Variants in DOK5 observed in about 807,000 individuals in gnomAD.
DOK5 encodes downstream of tyrosine kinase 5.
Under a neutral mutation model 43.3 loss-of-function variants are expected in DOK5, and 27 were observed. That is an observed-to-expected ratio of 0.62 (90% CI 0.46 to 0.86). The LOEUF (loss-of-function observed/expected upper bound fraction) is 0.86, where lower values mean the gene tolerates loss of function less well. Among genes scored for constraint, DOK5 ranks in the 40% least tolerant of loss-of-function variants. The pLI is 0.00. For missense variants in DOK5, 373 were observed against 392.9 expected (o/e 0.95, Z 0.43); for synonymous variants, 146 against 140.1 (o/e 1.04, Z -0.30).
At chr20:54,515,904 T>C (rs979575326) in intron 1 of DOK5, among the ~76,000 whole-genome samples, 1 of 152,220 alleles carries the variant, frequency 6.6e-6, no homozygotes, top group African/African-American at 2.4e-5. Context: ...TATGCTTTTA[T>C]GCAATTCTGT....
At chr20:54,599,891 C>G (rs555436383) in intron 5 of DOK5, among the ~76,000 whole-genome samples, 1 of 152,278 alleles carries the variant, frequency 6.6e-6, no homozygotes, top group South Asian at 2.1e-4. Flanking sequence ...ACAACTTACT[C>G]AACAGAAGAG....
intron 1 of DOK5, among the ~76,000 whole-genome samples, chr20:54,520,674 C>T (rs1212417811): frequency 6.6e-6 from 1 of 152,006 alleles, no homozygotes; most frequent in African/African-American, 2.4e-5. Flanking sequence ...GTCCTAGCTA[C>T]TTGGAAAGAC....
rs987893347 is a variant in DOK5 at position 54,595,207 on chromosome 20, A to G, written c.599+3402A>G. Among the ~76,000 whole-genome samples, 10 of 152,064 alleles carry G rather than the reference A, an allele frequency of 6.6e-5. No individual in the cohort carries two copies. The East Asian group carries it at 9.7e-4, about 15-fold the overall frequency. On this transcript the variant is annotated intron_variant, in intron 5 of 7. Coordinates refer to ENST00000262593, the MANE Select transcript of DOK5 (RefSeq NM_018431.5). ...ATACAAAAAATTAGCCGGGCGTGGTAGTGGGCACCTGTGGTCCCAGCTACT... is the reference window on the plus strand; with the variant it reads ...ATACAAAAAATTAGCCGGGCGTGGTGGTGGGCACCTGTGGTCCCAGCTACT...
At chr20:54,618,995 C>A (rs970593272) in intron 6 of DOK5, among the ~76,000 whole-genome samples, 1 of 122,850 alleles carries the variant, frequency 8.1e-6, no homozygotes, top group Non-Finnish European at 1.7e-5. Flanking sequence ...CCAGCCTGGG[C>A]AACAGAACAA....
chr20:54,477,307 G>A (rs1239732435), intron 1 of DOK5, among the ~76,000 whole-genome samples: 1 of 152,102 alleles, frequency 6.6e-6, no homozygotes, highest in Non-Finnish European at 1.5e-5. Flanking sequence ...AGGAACATCC[G>A]CAATTATTAT....
chr20:54,584,725 G>GTATA lies in DOK5; in HGVS notation c.175-3749_175-3746dup, dbSNP rs369920615. On this transcript the variant is annotated intron_variant, in intron 2 of 7. Transcript: ENST00000262593. The stretch of plus-strand genomic sequence containing the variant: ...CTATAATATGTACTCGTGTGTGTGT[G>GTATA]TATATATATATACACTATAATATGT... Among the ~76,000 whole-genome samples the GTATA allele has an allele frequency of 6.1e-5, 9 of 148,504 alleles. No homozygotes were observed. In the South Asian group the frequency reaches 8.4e-4, roughly 14 times the overall value.
Position 54,506,022 on chromosome 20 carries a change from A to T in DOK5, c.66+30010A>T, listed in dbSNP as rs538499946. On this transcript the variant is annotated intron_variant, in intron 1 of 7. Coordinates refer to ENST00000262593, the MANE Select transcript of DOK5 (RefSeq NM_018431.5). ...GATAGTGTGCTTTGGATTGCATTTT[A>T]AAAACATCACTCTGGCTGCAGATGG... Among the ~76,000 whole-genome samples the T allele has an allele frequency of 1.2e-4, 19 of 152,286 alleles. No individual in the cohort carries two copies. The South Asian group carries it at 3.7e-3, about 30-fold the overall frequency.
At chr20:54,553,794 G>A (rs1266928808) in intron 1 of DOK5, among the ~76,000 whole-genome samples, 2 of 150,264 alleles carry the variant, frequency 1.3e-5, no homozygotes, top group East Asian at 2.0e-4. Context: ...CTACTCAGGA[G>A]TCTGAGGCAG....
chr20:54,638,752 CTT>C (rs11476340), intron 6 of DOK5, among the ~76,000 whole-genome samples: 105 of 98,556 alleles, frequency 1.1e-3, no homozygotes, highest in East Asian at 3.5e-3. Context: ...CTTTTCTTTT[CTT>C]TTTTTTTTTT....
At chr20:54,563,855 C>T (rs747802348) in intron 2 of DOK5, among the ~76,000 whole-genome samples, 2 of 151,952 alleles carry the variant, frequency 1.3e-5, no homozygotes, top group African/African-American at 2.4e-5. Flanking sequence ...GAATATCTCT[C>T]CGGGTGATTG....
intron 6 of DOK5, among the ~76,000 whole-genome samples, chr20:54,623,644 A>G (rs959839330): frequency 2.6e-5 from 4 of 152,074 alleles, no homozygotes; most frequent in East Asian, 1.9e-4. Context: ...CAGTGGTGCA[A>G]TCTTGGCTCA....
At chr20:54,557,143 G>A (rs188925964) in intron 2 of DOK5, among the ~76,000 whole-genome samples, 76 of 152,196 alleles carry the variant, frequency 5.0e-4, no homozygotes, top group African/African-American at 1.5e-3. Flanking sequence ...GAGTCTGTTC[G>A]AAACACTTAT....
At chr20:54,591,163 A>C (rs1985964479) in intron 4 of DOK5, among the ~76,000 whole-genome samples, 1 of 152,206 alleles carries the variant, frequency 6.6e-6, no homozygotes, top group Non-Finnish European at 1.5e-5. Flanking sequence ...TAGTTATAGA[A>C]ATTACAAGTT....
At chr20:54,496,387 T>C (rs1982391981) in intron 1 of DOK5, among the ~76,000 whole-genome samples, 1 of 152,166 alleles carries the variant, frequency 6.6e-6, no homozygotes, top group South Asian at 2.1e-4. Flanking sequence ...TTCTCTGATC[T>C]AGAGAGGCAT....
At chr20:54,579,178 G>T (rs1985551103) in intron 2 of DOK5, among the ~76,000 whole-genome samples, 1 of 151,670 alleles carries the variant, frequency 6.6e-6, no homozygotes, top group African/African-American at 2.4e-5. Context: ...AAATCAGGTT[G>T]GTTTTTGTTT....
intron 1 of DOK5, among the ~76,000 whole-genome samples, chr20:54,496,505 T>C (rs576742238): frequency 2.3e-4 from 35 of 152,218 alleles, no homozygotes; most frequent in South Asian, 1.7e-3. Flanking sequence ...CGGTGGCTCA[T>C]GCCTGTAATC....
At chr20:54,623,477 T>C (rs1415363856) in intron 6 of DOK5, among the ~76,000 whole-genome samples, 1 of 152,170 alleles carries the variant, frequency 6.6e-6, no homozygotes, top group Admixed American at 6.5e-5. Context: ...TGTCTCTGCC[T>C]GGTTTTGTTA....
chr20:54,480,808 T>C (rs899940033), intron 1 of DOK5, among the ~76,000 whole-genome samples: 1 of 152,114 alleles, frequency 6.6e-6, no homozygotes, highest in African/African-American at 2.4e-5. Context: ...GCTTGGAATA[T>C]GCTGTTTCCC....
At chr20:54,644,723 A>AACAAAAAAAACCAC (rs779663636) in intron 7 of DOK5, among the ~76,000 whole-genome samples, 1 of 142,400 alleles carries the variant, frequency 7.0e-6, no homozygotes, top group Non-Finnish European at 1.5e-5. Context: ...AAAAAAAAAA[A>AACAAAAAAAACCAC]ACAAAATTTA....
Sources: gnomAD v4.1 joint callset for allele counts (sites outside exome capture counted in the v4.1 genomes callset) on GRCh38, gnomAD v4.1.1 for gene constraint, MANE v1.5 for transcripts, NCBI Gene and HGNC (gene_info 2026-07-23, HGNC 2026-07-21) for gene names.